The following ANO3 variants were observed in gnomAD, a reference collection of about 807,000 sequenced individuals.
ANO3 encodes the protein anoctamin-3.
Under a neutral mutation model 144.8 loss-of-function variants are expected in ANO3, and 99 were observed. The ratio of observed to expected loss-of-function variants is 0.68; its 90% CI spans 0.58 to 0.81. The LOEUF is 0.81. Ranked by LOEUF, ANO3 falls within the 30% of genes least tolerant of loss-of-function variation. The pLI is 0.00. For synonymous variants in ANO3, 414 were observed against 392.6 expected, an observed-to-expected ratio of 1.05 and a Z score of -0.64; for missense variants, 905 against 1,202.2, an observed-to-expected ratio of 0.75 and a Z score of 3.66.
upstream of ANO3, among the ~76,000 whole-genome samples, chr11:26,309,119 T>C (rs1287687023): frequency 1.1e-4 from 17 of 152,180 alleles, no homozygotes; most frequent in Non-Finnish European, 1.5e-5. Context: ...ACTTAAAAAG[T>C]TGTCTTTCTA....
chr11:26,624,364 G>A (rs1036120611), intron 17 of ANO3, 98 bp from the exon 18 acceptor site: 24 of 821,196 alleles, frequency 2.9e-5, no homozygotes, highest in Non-Finnish European at 4.6e-5. Flanking sequence ...TGTAACCACT[G>A]TATAACATAC....
chr11:26,332,497 T>C (rs1360443736), intron 1 of ANO3, among the ~76,000 whole-genome samples, 176 bp downstream of exon 1: 3 of 149,508 alleles, frequency 2.0e-5, no homozygotes, highest in Non-Finnish European at 4.4e-5. Context: ...AGATGAGTGA[T>C]TTTCTGAGCC....
intron 14 of ANO3, among the ~76,000 whole-genome samples, chr11:26,597,951 C>G (rs1391356150): frequency 6.6e-6 from 1 of 152,098 alleles, no homozygotes; most frequent in Non-Finnish European, 1.5e-5. Context: ...CTTTTGTTCT[C>G]TCTCCTACAC....
intron 23 of ANO3, among the ~76,000 whole-genome samples, chr11:26,645,018 T>C (rs1022320858): frequency 6.6e-6 from 1 of 151,240 alleles, no homozygotes; most frequent in Non-Finnish European, 1.5e-5. Context: ...TTTGACATTC[T>C]TAAAAAGGTA....
chr11:26,597,453 TGGGCG>T (rs1851668069), intron 14 of ANO3, among the ~76,000 whole-genome samples: 1 of 152,110 alleles, frequency 6.6e-6, no homozygotes, highest in African/African-American at 2.4e-5. Context: ...AGAGCGGCAA[TGGGCG>T]CCTCGCTGAA....
chr11:26,584,856 A>G (rs1392419270), intron 14 of ANO3, among the ~76,000 whole-genome samples: 1 of 152,250 alleles, frequency 6.6e-6, no homozygotes, highest in Non-Finnish European at 1.5e-5. Flanking sequence ...AAATGGAGCT[A>G]TAAGAACTAA....
chr11:26,554,682 G>A (rs1850033744), intron 13 of ANO3, among the ~76,000 whole-genome samples: 1 of 152,030 alleles, frequency 6.6e-6, no homozygotes, highest in Admixed American at 6.6e-5. Flanking sequence ...GCTCCCAGTG[G>A]CTGGTCTGAC....
intron 7 of ANO3, among the ~76,000 whole-genome samples, chr11:26,529,770 T>A (rs577980940): frequency 1.3e-5 from 2 of 152,042 alleles, no homozygotes; most frequent in South Asian, 4.1e-4. Flanking sequence ...TCAGAGTCCA[T>A]CTCTGGAGTC....
At chr11:26,474,317 T>C (rs2134076000) in intron 4 of ANO3, among the ~76,000 whole-genome samples, 1 of 151,970 alleles carries the variant, frequency 6.6e-6, no homozygotes, top group African/African-American at 2.4e-5. Context: ...TTTTAAAATA[T>C]CTGTGTTTAT....
chr11:26,656,332 C>T (rs772789580), intron 25 of ANO3, 44 bp from the exon 26 acceptor site: 2 of 1,504,126 alleles, frequency 1.3e-6, no homozygotes, highest in South Asian at 1.1e-5. Flanking sequence ...GGCCTCCACT[C>T]TTTGATCTCT....
At chr11:26,207,200 G>A (rs572785770) in intron 1 of ANO3, among the ~76,000 whole-genome samples, 1 of 152,150 alleles carries the variant, frequency 6.6e-6, no homozygotes, top group South Asian at 2.1e-4. Flanking sequence ...CTTATGTTAA[G>A]TGTTCTTGTA....
chr11:26,403,141 C>G (rs1276560841), intron 1 of ANO3, among the ~76,000 whole-genome samples: 2 of 151,894 alleles, frequency 1.3e-5, no homozygotes, highest in Non-Finnish European at 2.9e-5. Flanking sequence ...TTACTTGTTT[C>G]CCTGTATTTT....
chr11:26,623,569 C>G (rs1170231367), intron 17 of ANO3, among the ~76,000 whole-genome samples: 1 of 151,988 alleles, frequency 6.6e-6, no homozygotes, highest in Non-Finnish European at 1.5e-5. Flanking sequence ...TCAGAAAAAT[C>G]AATTGTGACT....
chr11:26,649,109 T>G (rs1033563352), intron 24 of ANO3, among the ~76,000 whole-genome samples: 2 of 152,160 alleles, frequency 1.3e-5, no homozygotes, highest in Non-Finnish European at 2.9e-5. Context: ...TAATAAATTG[T>G]CTACTTTATT....
At chr11:26,338,951 C>T (rs575706920) in intron 1 of ANO3, among the ~76,000 whole-genome samples, 7 of 152,302 alleles carry the variant, frequency 4.6e-5, no homozygotes, top group South Asian at 4.2e-4. Context: ...GAATAAATTC[C>T]GGACACACCA....
intron 4 of ANO3, among the ~76,000 whole-genome samples, chr11:26,481,638 G>A (rs554078792): frequency 5.3e-5 from 8 of 152,264 alleles, no homozygotes; most frequent in African/African-American, 1.9e-4. Context: ...GGAGCCTATT[G>A]ATAAAATTTA....
chr11:26,417,780 TA>T (rs1052078790), intron 1 of ANO3, among the ~76,000 whole-genome samples: 2 of 152,038 alleles, frequency 1.3e-5, no homozygotes, highest in Non-Finnish European at 2.9e-5. Context: ...TGACTTTCTC[TA>T]AAATAAATAT....
chr11:26,412,757 G>A (rs1857464913), intron 1 of ANO3, among the ~76,000 whole-genome samples: 1 of 149,870 alleles, frequency 6.7e-6, no homozygotes, highest in South Asian at 2.1e-4. Context: ...TGCTATTCAG[G>A]TTCAAAAGAA....
At chr11:26,212,410 AAAG>A (rs1326340417) in intron 1 of ANO3, among the ~76,000 whole-genome samples, 2 of 151,906 alleles carry the variant, frequency 1.3e-5, no homozygotes, top group Non-Finnish European at 2.9e-5. Context: ...AGAAGAAAAG[AAAG>A]AAGAATTGAA....
Sources: gnomAD v4.1 joint callset for allele counts (sites outside exome capture counted in the v4.1 genomes callset) on GRCh38, gnomAD v4.1.1 for gene constraint, MANE v1.5 for transcripts, NCBI Gene and HGNC (gene_info 2026-07-23, HGNC 2026-07-21) for gene names.